The following CYFIP1 variants were observed in gnomAD, a reference collection of about 807,000 sequenced individuals.
The protein encoded by CYFIP1 is cytoplasmic FMR1 interacting protein 1.
CYFIP1 carries 58 observed loss-of-function variants against 163.5 expected under a neutral mutation model. That is an observed-to-expected ratio of 0.35 (90% CI 0.29 to 0.44). The LOEUF (loss-of-function observed/expected upper bound fraction) is 0.44, where lower values mean the gene tolerates loss of function less well. Among genes scored for constraint, CYFIP1 ranks in the 20% least tolerant of loss-of-function variants. The pLI, the probability that CYFIP1 is intolerant of heterozygous loss-of-function variation, is 1.00. For synonymous variants in CYFIP1, 663 were observed against 660.7 expected, an observed-to-expected ratio of 1.00 and a Z score of -0.05; for missense variants, 1,338 against 1,653.8, an observed-to-expected ratio of 0.81 and a Z score of 3.31.
At chr15:22,877,002 G>A (rs965556258) in intron 26 of CYFIP1, among the ~76,000 whole-genome samples, 13 of 152,124 alleles carry the variant, frequency 8.5e-5, no homozygotes, top group Non-Finnish European at 1.6e-4. Context: ...TCCCTGACCT[G>A]AGGCCAATGA....
At position 22,927,989 on chromosome 15, in the gene CYFIP1, C is replaced by T. The variant is rs925785040; in HGVS notation, c.1150G>A (p.Asp384Asn). ...TCGAAGAGCTTGCGGTACTCCGCGTCCGTCTTCTGGGCCTCCTGGCGGCCC... is the reference window on the plus strand; with the variant it reads ...TCGAAGAGCTTGCGGTACTCCGCGTTCGTCTTCTGGGCCTCCTGGCGGCCC... ...GSGRQEAQKT[D>N]AEYRKLFDLA... The change falls in exon 12 of 31, where the codon GAC (aspartate) becomes AAC (asparagine). Residue 384 changes from aspartate to asparagine, a missense_variant. Asp to Asn is a conservative substitution (Grantham distance 23, BLOSUM62 1). This residue lies in a region of CYFIP1 where 824 missense variants were observed against 995.7 expected (regional missense o/e 0.83). Coordinates refer to ENST00000617928, the MANE Select transcript of CYFIP1 (RefSeq NM_014608.6). 43 of 1,594,896 alleles carry T rather than the reference C, an allele frequency of 2.7e-5. No individual in the cohort carries two copies. Among genetic ancestry groups the T allele is most frequent in the Non-Finnish European group, 3.6e-5 (42 of 1,173,244 alleles).
intron 1 of CYFIP1, among the ~76,000 whole-genome samples, chr15:22,961,146 C>T (rs1336495063): frequency 1.3e-5 from 2 of 151,888 alleles, no homozygotes; most frequent in African/African-American, 4.8e-5. Context: ...CTCAGCCTCC[C>T]GAGAAGCTGG....
intron 1 of CYFIP1, among the ~76,000 whole-genome samples, chr15:22,963,762 G>A (rs1217336613): frequency 2.6e-5 from 4 of 152,034 alleles, no homozygotes; most frequent in East Asian, 1.9e-4. Context: ...CAACATGCCC[G>A]CGTCTGCCTA....
At chr15:22,891,162 C>T (rs1298973093) in intron 23 of CYFIP1, among the ~76,000 whole-genome samples, 1 of 152,108 alleles carries the variant, frequency 6.6e-6, no homozygotes, top group Non-Finnish European at 1.5e-5. Flanking sequence ...CAGTGGCTCA[C>T]ACCTGTAATC....
At chr15:22,889,411 G>C (rs1453662451) in intron 23 of CYFIP1, among the ~76,000 whole-genome samples, 1 of 152,178 alleles carries the variant, frequency 6.6e-6, no homozygotes, top group Non-Finnish European at 1.5e-5. Context: ...CTTAATGGAA[G>C]CAACAGTGCC....
Position 22,947,030 on chromosome 15 carries a change from A to C in CYFIP1, c.180T>G (p.Ile60Met). The C allele has an allele frequency of 6.2e-7, 1 of 1,614,142 alleles. No individual in the cohort carries two copies. Among genetic ancestry groups the C allele is most frequent in the South Asian group, 1.1e-5 (1 of 91,080 alleles). The change falls in exon 3 of 31, where the codon ATT (isoleucine) becomes ATG (methionine). Residue 60 changes from isoleucine to methionine, a missense_variant. Physicochemically the swap from Ile to Met is conservative, Grantham distance 10 (BLOSUM62 1). This residue lies in a region of CYFIP1 where 186 missense variants were observed against 288.3 expected (regional missense o/e 0.65). Coordinates refer to ENST00000617928, the MANE Select transcript of CYFIP1 (RefSeq NM_014608.6). ...NAFVTGIARY[I>M]EQATVHSSMN... ...TGCTAGAGTGGACGGTGGCTTGTTC[A>C]ATGTATCTTGCGATGCCAGTAACAA...
Position 22,912,284 on chromosome 15 carries a change from G to T in CYFIP1, c.1986-9C>A. ...GGGAGTAGAGCACGTACCTGCAGAGGACAGCAGCAGTGTGACCAGCAGCCT... is the reference window on the plus strand; with the variant it reads ...GGGAGTAGAGCACGTACCTGCAGAGTACAGCAGCAGTGTGACCAGCAGCCT... On this transcript the variant is annotated splice_polypyrimidine_tract_variant and intron_variant, in intron 17 of 30. Coordinates refer to ENST00000617928, the MANE Select transcript of CYFIP1 (RefSeq NM_014608.6). The T allele has an allele frequency of 6.2e-7, 1 of 1,602,702 alleles. No homozygotes were observed. Among genetic ancestry groups the T allele is most frequent in the Non-Finnish European group, 8.5e-7 (1 of 1,174,040 alleles).
At chr15:22,899,225 C>T (rs1173389895) in intron 22 of CYFIP1, among the ~76,000 whole-genome samples, 1 of 151,984 alleles carries the variant, frequency 6.6e-6, no homozygotes, top group Non-Finnish European at 1.5e-5. Context: ...CAAGGATCCT[C>T]AGTGTTTAAT....
Position 22,934,315 on chromosome 15 carries a change from T to C in CYFIP1, c.901-422A>G, listed in dbSNP as rs1171562769. ...CATTCTCCTGCCTCAGGCTCCCGAG[T>C]AGCTGGGACTACAGGCGCCCGCCAC... On this transcript the variant is annotated intron_variant, in intron 9 of 30. Transcript: ENST00000617928. Among the ~76,000 whole-genome samples, 4 of 145,256 alleles carry C rather than the reference T, an allele frequency of 2.8e-5. No homozygotes were observed. In the East Asian group the frequency reaches 8.2e-4, roughly 30 times the overall value.
chr15:22,970,604 A>G (rs942453234), intron 1 of CYFIP1, among the ~76,000 whole-genome samples: 3 of 152,230 alleles, frequency 2.0e-5, no homozygotes, highest in African/African-American at 7.2e-5. Context: ...ATACTGGCCA[A>G]TTAAACAGAA....
chr15:22,925,404 G>A (rs563357593), intron 13 of CYFIP1, among the ~76,000 whole-genome samples: 1 of 152,164 alleles, frequency 6.6e-6, no homozygotes, highest in Non-Finnish European at 1.5e-5. Context: ...ATTGTCACGT[G>A]ACCAGCTACA....
intron 1 of CYFIP1, among the ~76,000 whole-genome samples, chr15:22,979,868 T>A (rs1231939106): frequency 2.0e-5 from 3 of 152,190 alleles, no homozygotes; most frequent in East Asian, 3.9e-4. Flanking sequence ...ACATTAACAA[T>A]CTGCCTGCTC....
chr15:22,936,228 G>A (rs910646218), intron 9 of CYFIP1, among the ~76,000 whole-genome samples: 1 of 151,972 alleles, frequency 6.6e-6, no homozygotes, highest in African/African-American at 2.4e-5. Context: ...ACAGAGCGAG[G>A]GCCTGTCTCA....
chr15:22,888,285 G>A (rs191027990), intron 23 of CYFIP1, among the ~76,000 whole-genome samples: 14 of 152,274 alleles, frequency 9.2e-5, no homozygotes, highest in African/African-American at 2.6e-4. Flanking sequence ...GCAAGTGCAC[G>A]TGGCATATGT....
rs144256065 is a variant in CYFIP1, at chr15:22,882,971, C to T, written c.2717G>A (p.Arg906Gln). ...LAYSSIYGSY[R>Q]NFVGPPHFQV... is the part of the protein sequence containing the mutation. ...AAAGTGTGGAGGTCCCACGAAGTTCCGGTAGCTGCCGTAAATGCTGGAGTA... is the reference window on the plus strand; with the variant it reads ...AAAGTGTGGAGGTCCCACGAAGTTCTGGTAGCTGCCGTAAATGCTGGAGTA... Residue 906 changes from arginine to glutamine, a missense_variant, in exon 24 of 31, where the codon CGG (arginine) becomes CAG (glutamine). Transcript: ENST00000617928. 1.4e-5 allele frequency: 22 copies of T among 1,613,844 alleles called. No individual in the cohort carries two copies. In the East Asian group the frequency reaches 2.0e-4, roughly 15 times the overall value.
chr15:22,934,347 C>T (rs1206788053), intron 9 of CYFIP1, among the ~76,000 whole-genome samples: 3 of 150,312 alleles, frequency 2.0e-5, no homozygotes, highest in Non-Finnish European at 4.4e-5. Context: ...CCACCACACC[C>T]AGCTAATTTT....
chr15:22,872,054 C>T (rs57105742), intron 30 of CYFIP1, among the ~76,000 whole-genome samples: 28,220 of 151,908 alleles, frequency 0.19, 2,963 homozygotes, highest in East Asian at 0.3. Context: ...GGGAGGTGGG[C>T]GGATCACCTT....
chr15:22,940,385 A>C (rs985922453), intron 6 of CYFIP1, among the ~76,000 whole-genome samples: 1 of 152,208 alleles, frequency 6.6e-6, no homozygotes, highest in Non-Finnish European at 1.5e-5. Context: ...CAAGTGACCA[A>C]GGACTAGGCC....
At chr15:22,880,447 G>C (rs973039675) in intron 25 of CYFIP1, among the ~76,000 whole-genome samples, 4 of 152,204 alleles carry the variant, frequency 2.6e-5, no homozygotes, top group Non-Finnish European at 4.4e-5. Context: ...GGGCATCTAG[G>C]AAGCCTGCAG....
Sources: allele counts gnomAD v4.1 joint callset (sites outside exome capture counted in the v4.1 genomes callset), GRCh38; gene constraint gnomAD v4.1.1; regional missense constraint gnomAD v4.1.1; transcripts MANE v1.5; gene names NCBI Gene and HGNC (gene_info 2026-07-23, HGNC 2026-07-21).